Variants in ZFPM2 observed in about 807,000 individuals in gnomAD.
ZFPM2 encodes the protein zinc finger protein ZFPM2.
Under a neutral mutation model 98.6 loss-of-function variants are expected in ZFPM2, and 20 were observed. The observed-to-expected ratio is 0.20, with a 90% CI of 0.14 to 0.29. ZFPM2 has a LOEUF of 0.29. ZFPM2 is among the 10% of genes least tolerant of loss of function. ZFPM2 has a pLI of 1.00. For synonymous variants in ZFPM2, 518 were observed against 502.7 expected, an observed-to-expected ratio of 1.03 and a Z score of -0.41; for missense variants, 1,310 against 1,388.6, an observed-to-expected ratio of 0.94 and a Z score of 0.90.
At chr8:105,596,638 T>G (rs1255640041) in intron 4 of ZFPM2, among the ~76,000 whole-genome samples, 2 of 151,958 alleles carry the variant, frequency 1.3e-5, no homozygotes, top group Admixed American at 6.6e-5. Context: ...ATCATAATAG[T>G]TAAATATTTT....
At chr8:105,569,737 G>A (rs1223548572) in intron 4 of ZFPM2, among the ~76,000 whole-genome samples, 3 of 152,128 alleles carry the variant, frequency 2.0e-5, no homozygotes, top group Middle Eastern at 3.2e-3. Flanking sequence ...CATGGGTGAA[G>A]GCCAAGAAGG....
intron 4 of ZFPM2, among the ~76,000 whole-genome samples, chr8:105,615,548 T>C (rs951095371): frequency 4.6e-5 from 7 of 152,148 alleles, no homozygotes; most frequent in African/African-American, 1.7e-4. Flanking sequence ...CTTTTTGCCA[T>C]TTATATTTAT....
At chr8:105,597,385 A>G (rs1246956351) in intron 4 of ZFPM2, among the ~76,000 whole-genome samples, 1 of 152,136 alleles carries the variant, frequency 6.6e-6, no homozygotes, top group Admixed American at 6.5e-5. Context: ...TATGTTTCAA[A>G]TATTTGACAT....
In ZFPM2 at chr8:105,586,848, T is replaced by TTATATA. The variant is rs35303072; in HGVS notation, c.420+25379_420+25384dup. On this transcript the variant is annotated intron_variant, in intron 4 of 7. Coordinates refer to ENST00000407775, the MANE Select transcript of ZFPM2 (RefSeq NM_012082.4). ...GTGTGCATATTTATATATAAATATTTTATATATATATATATATTCTTTTGA... is the reference window on the plus strand; with the variant it reads ...GTGTGCATATTTATATATAAATATTTTATATATATATATATATATATATTCTTTTGA... Among the ~76,000 whole-genome samples, 201 of 147,004 alleles carry TTATATA rather than the reference T, an allele frequency of 1.4e-3. 1 individual carries two copies. The highest frequency in any genetic ancestry group is 2.7e-3 in the South Asian group (13 of 4,736).
chr8:105,322,083 T>G (rs1293420915), intron 1 of ZFPM2, among the ~76,000 whole-genome samples: 1 of 152,146 alleles, frequency 6.6e-6, no homozygotes, highest in East Asian at 1.9e-4. Flanking sequence ...TAATCCTGGT[T>G]TGATAAAAAG....
chr8:105,573,020 C>T lies in ZFPM2; in HGVS notation c.420+11539C>T, dbSNP rs189074825. On this transcript the variant is annotated intron_variant, in intron 4 of 7. Transcript: ENST00000407775. ...GTTAAAAATAATGAGCACAACTTGT[C>T]GCAGGCATAATGTCTCCCACAAGGC... Among the ~76,000 whole-genome samples the T allele has an allele frequency of 5.9e-5, 9 of 152,152 alleles. No individual in the cohort carries two copies. In the East Asian group the frequency reaches 1.5e-3, roughly 26 times the overall value.
At chr8:105,378,086 A>C (rs985665947) in intron 1 of ZFPM2, among the ~76,000 whole-genome samples, 20 of 152,218 alleles carry the variant, frequency 1.3e-4, no homozygotes, top group African/African-American at 4.8e-4. Context: ...TTTAATTAAA[A>C]AAGTATTGCT....
At chr8:105,451,116 C>T (rs1267480264) in intron 3 of ZFPM2, among the ~76,000 whole-genome samples, 2 of 152,036 alleles carry the variant, frequency 1.3e-5, no homozygotes, top group Non-Finnish European at 2.9e-5. Flanking sequence ...AGAATGGGAA[C>T]TAAGTATATT....
intron 5 of ZFPM2, 48 bp downstream of exon 5, chr8:105,634,405 A>G: frequency 7.0e-7 from 1 of 1,438,360 alleles, no homozygotes; most frequent in African/African-American, 1.4e-5. Flanking sequence ...TTAAAACCTG[A>G]GCATTGCAAA....
intron 5 of ZFPM2, among the ~76,000 whole-genome samples, chr8:105,664,324 T>G (rs1275144495): frequency 8.9e-5 from 4 of 44,796 alleles, no homozygotes; most frequent in African/African-American, 3.2e-4. Flanking sequence ...AAAATTCTTG[T>G]GTGTGTGTGT....
intron 6 of ZFPM2, among the ~76,000 whole-genome samples, chr8:105,790,439 AT>A (rs1374782585): frequency 6.6e-6 from 1 of 152,152 alleles, no homozygotes. Flanking sequence ...GTTCTGTTCC[AT>A]TGATCTATAT....
intron 5 of ZFPM2, among the ~76,000 whole-genome samples, chr8:105,683,670 C>T (rs1444568785): frequency 2.6e-5 from 4 of 152,214 alleles, no homozygotes; most frequent in South Asian, 4.1e-4. Context: ...TCTTTCCTTT[C>T]TTCTGATTTA....
chr8:105,362,831 C>T (rs1203934213), intron 1 of ZFPM2, among the ~76,000 whole-genome samples: 1 of 151,928 alleles, frequency 6.6e-6, no homozygotes, highest in African/African-American at 2.4e-5. Context: ...TGCAGAATTC[C>T]CTTGGTTGGA....
At chr8:105,336,044 G>A (rs1255540342) in intron 1 of ZFPM2, among the ~76,000 whole-genome samples, 1 of 151,786 alleles carries the variant, frequency 6.6e-6, no homozygotes, top group Admixed American at 6.6e-5. Context: ...CATTTGAATG[G>A]ATGTACGGCA....
intron 4 of ZFPM2, among the ~76,000 whole-genome samples, chr8:105,578,094 C>A (rs999134112): frequency 1.3e-5 from 2 of 152,024 alleles, no homozygotes; most frequent in African/African-American, 4.8e-5. Context: ...ATCCTACATA[C>A]CACTCAAGTG....
intron 4 of ZFPM2, among the ~76,000 whole-genome samples, chr8:105,588,047 T>G (rs1815761278): frequency 6.6e-6 from 1 of 152,218 alleles, no homozygotes; most frequent in Non-Finnish European, 1.5e-5. Flanking sequence ...TTAAGCTATA[T>G]TTAGCCTTTA....
intron 3 of ZFPM2, among the ~76,000 whole-genome samples, chr8:105,553,035 T>A (rs1354595263): frequency 6.6e-6 from 1 of 151,956 alleles, no homozygotes; most frequent in Non-Finnish European, 1.5e-5. Context: ...GGTCTTGAAC[T>A]CCTGAGCTCA....
chr8:105,457,721 A>C (rs1812619744), intron 3 of ZFPM2, among the ~76,000 whole-genome samples: 1 of 152,162 alleles, frequency 6.6e-6, no homozygotes, highest in Admixed American at 6.6e-5. Context: ...TGCAAGTCTA[A>C]TTCCATAGCA....
At chr8:105,623,841 A>G (rs1816602130) in intron 4 of ZFPM2, among the ~76,000 whole-genome samples, 1 of 152,052 alleles carries the variant, frequency 6.6e-6, no homozygotes, top group Non-Finnish European at 1.5e-5. Flanking sequence ...TAGCGTTTTT[A>G]TTTTAGTCAC....
Sources: gnomAD v4.1 joint callset for allele counts (sites outside exome capture counted in the v4.1 genomes callset) on GRCh38, gnomAD v4.1.1 for gene constraint, MANE v1.5 for transcripts, NCBI Gene and HGNC (gene_info 2026-07-23, HGNC 2026-07-21) for gene names.